PATJ: variants seen among roughly 807,000 people sequenced by gnomAD.
PATJ encodes PATJ crumbs cell polarity complex component.
PATJ carries 190 observed loss-of-function variants against 224.9 expected under a neutral mutation model. That is an observed-to-expected ratio of 0.84 (90% CI 0.75 to 0.95). PATJ has a LOEUF of 0.95. PATJ is among the 40% of genes least tolerant of loss of function. PATJ has a pLI of 0.00. For missense variants in PATJ, 2,121 were observed against 2,270.3 expected (o/e 0.93, Z 1.34); for synonymous variants, 769 against 820.3 (o/e 0.94, Z 1.07).
chr1:61,864,934 A>T (rs1665166622), intron 20 of PATJ, among the ~76,000 whole-genome samples: 1 of 151,788 alleles, frequency 6.6e-6, no homozygotes, highest in South Asian at 2.1e-4. Flanking sequence ...TTCTTTTAAC[A>T]TTTGTGATTT....
chr1:61,946,879 T>A (rs1160745391), intron 27 of PATJ, among the ~76,000 whole-genome samples: 2 of 152,146 alleles, frequency 1.3e-5, no homozygotes, highest in Non-Finnish European at 2.9e-5. Context: ...ACAATCAAGT[T>A]GGCCTCATCC....
chr1:62,146,078 G>A (rs552141160), intron 41 of PATJ, among the ~76,000 whole-genome samples: 5 of 152,286 alleles, frequency 3.3e-5, no homozygotes, highest in South Asian at 4.1e-4. Flanking sequence ...AGAGTGGCCA[G>A]GGAAGGTGGC....
At chr1:61,855,939 A>T (rs1270897930) in intron 17 of PATJ, 91 bp from the exon 18 acceptor site, 16 of 874,566 alleles carry the variant, frequency 1.8e-5, no homozygotes, top group Non-Finnish European at 2.6e-5. Context: ...TAAGTGGTCA[A>T]ATAAGATTCA....
In PATJ at chr1:61,797,448, T is replaced by A; in HGVS notation, c.1402+20T>A. On this transcript the variant is annotated intron_variant, in intron 11 of 43. Coordinates refer to ENST00000642238, the MANE Select transcript of PATJ (RefSeq NM_001350145.3). ...ACAGAGGTGATTAATTTGCCACCCC[T>A]CTATCCCTCAAGTAGTTTACATTTG... 1.3e-6 allele frequency: 2 copies of A among 1,598,976 alleles called. No homozygotes were observed. Among genetic ancestry groups the A allele is most frequent in the Non-Finnish European group, 1.7e-6 (2 of 1,167,544 alleles).
intron 27 of PATJ, among the ~76,000 whole-genome samples, chr1:61,988,180 T>C (rs142799280): frequency 1.5e-3 from 227 of 152,178 alleles, no homozygotes; most frequent in African/African-American, 5.2e-3. Flanking sequence ...GCCTGGGTGA[T>C]AGAGCAAGAC....
At chr1:62,153,575 C>G (rs957091527) in intron 43 of PATJ, 94 bp downstream of exon 43, 5 of 717,164 alleles carry the variant, frequency 7.0e-6, no homozygotes, top group Non-Finnish European at 9.6e-6. Flanking sequence ...TGGGTCAAAC[C>G]TGGATGTGTG....
intron 27 of PATJ, among the ~76,000 whole-genome samples, chr1:61,971,840 A>G (rs2149466554): frequency 6.6e-6 from 1 of 151,572 alleles, no homozygotes; most frequent in South Asian, 2.1e-4. Context: ...AAAAAAAAAA[A>G]AATCCAGGTA....
chr1:61,959,005 A>C (rs1680837111), intron 27 of PATJ, among the ~76,000 whole-genome samples: 1 of 152,106 alleles, frequency 6.6e-6, no homozygotes, highest in Non-Finnish European at 1.5e-5. Flanking sequence ...GAGTCCAAAA[A>C]TGTCTGCTAA....
chr1:61,864,244 A>G lies in PATJ; in HGVS notation c.2446A>G (p.Arg816Gly). 1 of 1,605,250 alleles carries G rather than the reference A, an allele frequency of 6.2e-7. No homozygotes were observed. Among genetic ancestry groups the G allele is most frequent in the Non-Finnish European group, 8.5e-7 (1 of 1,176,022 alleles). The change falls in exon 20 of 44, where the codon AGA (arginine) becomes GGA (glycine). Residue 816 changes from arginine (R) to glycine (G), a missense_variant. Arg to Gly is a moderately radical substitution (Grantham distance 125). Coordinates refer to ENST00000642238, the MANE Select transcript of PATJ (RefSeq NM_001350145.3). ...SLILEAPKGF[R>G]DEPYFKEELV... is the part of the protein sequence containing the mutation. ...TTGCATCTTTTATTTATAGGGATTT[A>G]GAGATGAACCATATTTTAAAGAAGA...
At chr1:61,853,493 G>A (rs1041705186) in intron 17 of PATJ, among the ~76,000 whole-genome samples, 1 of 152,140 alleles carries the variant, frequency 6.6e-6, no homozygotes, top group Non-Finnish European at 1.5e-5. Flanking sequence ...TAGCTGCTGG[G>A]CAGTTCATGA....
chr1:62,131,243 C>T (rs994696947), intron 41 of PATJ, among the ~76,000 whole-genome samples: 1 of 152,112 alleles, frequency 6.6e-6, no homozygotes, highest in Non-Finnish European at 1.5e-5. Context: ...CCTACAAATC[C>T]TTTGCTTTCT....
intron 14 of PATJ, among the ~76,000 whole-genome samples, chr1:61,814,220 T>C (rs1225668887): frequency 1.4e-5 from 2 of 143,176 alleles, no homozygotes; most frequent in African/African-American, 2.6e-5. Context: ...CTCGGCTCAC[T>C]GCAACCTCCG....
chr1:61,988,184 G>C (rs1262100947), intron 27 of PATJ, among the ~76,000 whole-genome samples: 1 of 152,078 alleles, frequency 6.6e-6, no homozygotes, highest in African/African-American at 2.4e-5. Context: ...GGGTGATAGA[G>C]CAAGACTTCA....
At chr1:62,073,435 C>A in intron 31 of PATJ, 1 of 442,592 alleles carries the variant, frequency 2.3e-6, no homozygotes, top group Non-Finnish European at 3.0e-6. Context: ...CCAGACTGGC[C>A]AACATAGCAA....
intron 37 of PATJ, 28 bp from the exon 38 acceptor site, chr1:62,121,153 A>C: frequency 6.9e-7 from 1 of 1,453,164 alleles, no homozygotes; most frequent in Middle Eastern, 1.7e-4. Flanking sequence ...GTGTCTGCAC[A>C]CAGGTGACCC....
chr1:61,780,538 A>T (rs536335443), intron 7 of PATJ, among the ~76,000 whole-genome samples: 60 of 152,308 alleles, frequency 3.9e-4, no homozygotes, highest in Middle Eastern at 3.4e-3. Context: ...CTTAAAAAAA[A>T]TTTTTATAAC....
intron 30 of PATJ, among the ~76,000 whole-genome samples, chr1:62,040,972 CAG>C (rs1263629894): frequency 6.6e-6 from 1 of 152,142 alleles, no homozygotes; most frequent in Non-Finnish European, 1.5e-5. Context: ...GGCAAACACT[CAG>C]GGAATGAGTA....
At position 62,144,777 on chromosome 1, in the gene PATJ, A is replaced by AAAATATATATATAT. The variant is rs377489788; in HGVS notation, c.5272-3506_5272-3505insAATATATATATATA. Reference sequence around the variant, plus strand: ...TAGAATGTTATTTGCAAAAAAAAAAAATATATATATATATATATAATTAGC... The same window carrying AAAATATATATATAT: ...TAGAATGTTATTTGCAAAAAAAAAAAAAATATATATATATATATATATATATATATATAATTAGC... On this transcript the variant is annotated intron_variant, in intron 41 of 43. Coordinates refer to ENST00000642238, the MANE Select transcript of PATJ (RefSeq NM_001350145.3). Among the ~76,000 whole-genome samples the AAAATATATATATAT allele has an allele frequency of 1.7e-4, 20 of 119,102 alleles. 1 individual carries two copies. The East Asian group carries it at 2.1e-3, about 13-fold the overall frequency. 78.1% of individuals were successfully genotyped at this position (119,102 alleles called of 152,430 possible).
chr1:61,770,369 A>G (rs1422857195), intron 5 of PATJ, among the ~76,000 whole-genome samples: 1 of 152,180 alleles, frequency 6.6e-6, no homozygotes, highest in African/African-American at 2.4e-5. Context: ...GCACTTTAAC[A>G]TAAGAAGTTC....
Sources: gnomAD v4.1 joint callset for allele counts (sites outside exome capture counted in the v4.1 genomes callset) on GRCh38, gnomAD v4.1.1 for gene constraint, MANE v1.5 for transcripts, NCBI Gene and HGNC (gene_info 2026-07-23, HGNC 2026-07-21) for gene names.